The following MLXIPL variants were observed in gnomAD, a reference collection of about 807,000 sequenced individuals.
MLXIPL encodes carbohydrate-responsive element-binding protein.
A neutral mutation model predicts 81.5 loss-of-function variants in MLXIPL; 49 were observed. The observed-to-expected ratio is 0.60, with a 90% CI of 0.48 to 0.76. MLXIPL has a LOEUF of 0.76. Ranked by LOEUF, MLXIPL falls within the 30% of genes least tolerant of loss-of-function variation. The probability of loss-of-function intolerance (pLI) is 0.00; values close to 1 mark genes in which losing one functional copy is unlikely to be tolerated. For missense variants in MLXIPL, 1,053 were observed against 1,167.0 expected (o/e 0.90, Z 1.42); for synonymous variants, 466 against 485.5 (o/e 0.96, Z 0.53).
intron 8 of MLXIPL, among the ~76,000 whole-genome samples, chr7:73,598,675 G>A (rs1296498910): frequency 3.9e-5 from 6 of 152,192 alleles, no homozygotes; most frequent in Non-Finnish European, 5.9e-5. Context: ...TATAGAGAAT[G>A]CAGTGGTGAG....
chr7:73,597,425 C>G lies in MLXIPL; in HGVS notation c.1360G>C (p.Ala454Pro), dbSNP rs1402688369. 2.8e-6 allele frequency: 4 copies of G among 1,433,186 alleles called. No individual in the cohort carries two copies. Among genetic ancestry groups the G allele is most frequent in the Non-Finnish European group, 3.7e-6 (4 of 1,090,032 alleles). 88.8% of individuals were successfully genotyped at this position (1,433,186 alleles called of 1,614,324 possible). A position where few individuals can be genotyped will look rare whatever the true frequency, so the allele number is the denominator to read the frequency against. ...PGVSPLPAPA[A>P]FPPTPQSVPS... ...ACAGACTGTGGGGTGGGTGGGAAGG[C>G]TGCAGGAGCAGGCAGCGGAGACACT... The change falls in exon 9 of 17, where the codon GCC (alanine) becomes CCC (proline). Residue 454 changes from alanine (A) to proline (P), a missense_variant. Ala to Pro is a conservative substitution (Grantham distance 27, BLOSUM62 -1). Coordinates refer to ENST00000313375, the MANE Select transcript of MLXIPL (RefSeq NM_032951.3).
chr7:73,597,530 C>A lies in MLXIPL; in HGVS notation c.1255G>T (p.Ala419Ser). 1 of 1,365,100 alleles carries A rather than the reference C, an allele frequency of 7.3e-7. No individual in the cohort carries two copies. Among genetic ancestry groups the A allele is most frequent in the Non-Finnish European group, 9.5e-7 (1 of 1,057,752 alleles). The allele number at this position is 1,365,100 out of a possible 1,614,324, so 84.6% of individuals were successfully genotyped here. The change falls in exon 9 of 17, where the codon GCA becomes TCA. Residue 419 changes from alanine (A) to serine (S), a missense_variant. Around this residue, in one of 3 missense-constraint regions of MLXIPL, gnomAD observed 823 missense variants for 933.0 expected, o/e 0.88. Coordinates refer to ENST00000313375, the MANE Select transcript of MLXIPL (RefSeq NM_032951.3). ...PCPPPPFPPMAPPTALLQEEP... is the reference protein window; with the variant it reads ...PCPPPPFPPMSPPTALLQEEP... ...TCCTGCAGCAAAGCAGTGGGTGGTG[C>A]CATGGGAGGGAAGGGAGGTGGGGGG...
rs1051921 is a variant in MLXIPL, at chr7:73,593,613, G to A, written c.*252C>T. 0.16 allele frequency: 74,090 copies of A among 475,522 alleles called. 6,387 individuals are homozygous for A. The highest frequency in any genetic ancestry group is 0.19 in the Non-Finnish European group (47,783 of 256,700). 29.5% of individuals were successfully genotyped at this position (475,522 alleles called of 1,614,324 possible). A position where few individuals can be genotyped will look rare whatever the true frequency, so the allele number is the denominator to read the frequency against. On this transcript the variant is annotated 3_prime_UTR_variant, in exon 17 of 17. Coordinates refer to ENST00000313375, the MANE Select transcript of MLXIPL (RefSeq NM_032951.3). ...CCCATTTTGCAGATTGAAACACAGC[G>A]GTCCAAAGACAGCGGACGAGTCACC...
intron 4 of MLXIPL, 53 bp downstream of exon 4, chr7:73,607,278 C>A (rs782759047): frequency 2.0e-6 from 3 of 1,514,120 alleles, no homozygotes; most frequent in Non-Finnish European, 2.7e-6. Context: ...CGGGCGGTAG[C>A]CGGCAGCCGC....
rs1223362911 is a variant in MLXIPL, at chr7:73,623,565, G to A, written c.293+635C>T. On this transcript the variant is annotated intron_variant, in intron 1 of 16. Coordinates refer to ENST00000313375, the MANE Select transcript of MLXIPL (RefSeq NM_032951.3). The surrounding 1 kb of genome is among the most constrained non-coding windows in gnomAD (Gnocchi z 5.7). ...CCGGGCACCGGCGTAACCTCTGCGA[G>A]CTGCGCCTCTTGGACATTTCTGGGA... is the stretch of plus-strand genomic sequence containing the variant. Among the ~76,000 whole-genome samples, 1 of 152,182 alleles carries A rather than the reference G, an allele frequency of 6.6e-6. No homozygotes were observed. Among genetic ancestry groups the A allele is most frequent in the Non-Finnish European group, 1.5e-5 (1 of 68,036 alleles).
chr7:73,610,819 CCTTTT>C (rs1795642618), intron 2 of MLXIPL: 1 of 151,452 alleles, frequency 6.6e-6, no homozygotes, highest in Admixed American at 6.6e-5. Flanking sequence ...ACACAGCCCA[CCTTTT>C]CTTTTCCTTT....
At chr7:73,641,784 T>C in the MLXIPL span, among the ~76,000 whole-genome samples, 1 of 152,058 alleles carries the variant, frequency 6.6e-6, no homozygotes, top group Non-Finnish European at 1.5e-5. Context: ...TACAGGCATA[T>C]GCCATGACGC....
chr7:73,596,258 A>G lies in MLXIPL; in HGVS notation c.1953T>C (p.Arg651=). The G allele has an allele frequency of 1.2e-6, 2 of 1,604,746 alleles. No individual in the cohort carries two copies. Among genetic ancestry groups the G allele is most frequent in the South Asian group, 1.1e-5 (1 of 90,658 alleles). ...RPDSNKTENR[R]ITHISAEQKR... ...TCTGCTCCGCGGAGATGTGTGTGAT[A>G]CGCCGGTTCTCGGTCTCGGGGAGCA... is the stretch of plus-strand genomic sequence containing the variant. Residue 651 remains arginine, a synonymous_variant, in exon 13 of 17, where the codon CGT becomes CGC. Transcript: ENST00000313375. This position sits in a 1 kb window ranked among gnomAD's most constrained non-coding sequence, Gnocchi z 4.7.
At chr7:73,641,162 C>T in the MLXIPL span, among the ~76,000 whole-genome samples, 18 of 151,924 alleles carry the variant, frequency 1.2e-4, no homozygotes, top group Admixed American at 2.6e-4. Context: ...GGTGTAGTGG[C>T]GAGTGCCTTA....
intron 1 of MLXIPL, among the ~76,000 whole-genome samples, chr7:73,620,577 GAAAA>G (rs35474276): frequency 7.0e-5 from 6 of 85,896 alleles, no homozygotes; most frequent in African/African-American, 1.7e-4. Context: ...CACCTGTACT[GAAAA>G]AAAAAAAAAA....
intron 2 of MLXIPL, among the ~76,000 whole-genome samples, chr7:73,613,415 A>G (rs1554600151): frequency 6.6e-6 from 1 of 152,130 alleles, no homozygotes; most frequent in Non-Finnish European, 1.5e-5. Flanking sequence ...CCTGGGCAAC[A>G]TGGTGAAACC....
At chr7:73,643,577 A>C in the MLXIPL span, among the ~76,000 whole-genome samples, 1 of 151,542 alleles carries the variant, frequency 6.6e-6, no homozygotes, top group African/African-American at 2.4e-5. Flanking sequence ...TGAGTAGTTC[A>C]GCCCAAATTT....
the MLXIPL span, among the ~76,000 whole-genome samples, chr7:73,641,219 G>C: frequency 1.6e-4 from 24 of 152,072 alleles, no homozygotes; most frequent in Non-Finnish European, 2.9e-4. Flanking sequence ...CTTGAGCTGG[G>C]GAGGGTGAGG....
intron 2 of MLXIPL, chr7:73,610,579 T>A (rs1298831595): frequency 2.6e-5 from 4 of 152,336 alleles, no homozygotes; most frequent in African/African-American, 9.7e-5. Context: ...GCTCAAGCGA[T>A]CCTCCCACCT....
chr7:73,597,775 C>G lies in MLXIPL; in HGVS notation c.1072-62G>C, dbSNP rs1394299465. 2.4e-6 allele frequency: 3 copies of G among 1,248,722 alleles called. No homozygotes were observed. The African/African-American group carries it at 4.6e-5, about 19-fold the overall frequency. The allele number at this position is 1,248,722 out of a possible 1,614,324, so 77.4% of individuals were successfully genotyped here. Reference sequence around the variant, plus strand: ...GGAGAGAGCTGCCCCTGGCAGCCATCTGGGCCTCCCCTGCCCTGCCTTGCC... The same window carrying G: ...GGAGAGAGCTGCCCCTGGCAGCCATGTGGGCCTCCCCTGCCCTGCCTTGCC... On this transcript the variant is annotated intron_variant, in intron 8 of 16. Transcript: ENST00000313375.
In MLXIPL at chr7:73,605,722, C is replaced by A; in HGVS notation, c.867G>T (p.Leu289=). ...CCATGAAGTCATCCAGGCTTGGCTG[C>A]AGTGGCGTCAGGTCCGGCTGGATCA... is the stretch of plus-strand genomic sequence containing the variant. ...ADMIQPDLTP[L]QPSLDDFMDI... Residue 289 remains leucine (L), a synonymous_variant, in exon 7 of 17, where the codon CTG becomes CTT. Transcript: ENST00000313375. 1 of 1,613,790 alleles carries A rather than the reference C, an allele frequency of 6.2e-7. No homozygotes were observed. Among genetic ancestry groups the A allele is most frequent in the Admixed American group, 1.7e-5 (1 of 60,000 alleles).
At chr7:73,606,481 A>G (rs1384762996) in intron 5 of MLXIPL, 3 of 337,232 alleles carry the variant, frequency 8.9e-6, no homozygotes, top group Non-Finnish European at 1.6e-5. Flanking sequence ...GCTGGAGTGC[A>G]GTGGCGCAAT....
intron 2 of MLXIPL, among the ~76,000 whole-genome samples, chr7:73,608,588 A>G (rs1174226444): frequency 2.7e-5 from 4 of 149,092 alleles, no homozygotes; most frequent in African/African-American, 9.8e-5. Context: ...CTCAAAGAAA[A>G]AAAAAAAAGA....
chr7:73,640,047 G>A, the MLXIPL span, among the ~76,000 whole-genome samples: 1 of 151,486 alleles, frequency 6.6e-6, no homozygotes, highest in Admixed American at 6.6e-5. Context: ...GGGCAACAGA[G>A]CGAGACTCCA....
Sources: allele counts gnomAD v4.1 joint callset (sites outside exome capture counted in the v4.1 genomes callset), GRCh38; gene constraint gnomAD v4.1.1; regional missense constraint gnomAD v4.1.1; non-coding constraint Gnocchi (gnomAD v3.1); transcripts MANE v1.5; gene names NCBI Gene and HGNC (gene_info 2026-07-23, HGNC 2026-07-21).